GSK3B: variants seen among roughly 807,000 people sequenced by gnomAD.
The protein encoded by GSK3B is glycogen synthase kinase-3 beta.
Under a neutral mutation model 56.4 loss-of-function variants are expected in GSK3B, and 15 were observed. The ratio of observed to expected loss-of-function variants is 0.27; its 90% CI spans 0.18 to 0.41. The LOEUF (loss-of-function observed/expected upper bound fraction) is 0.41, where lower values mean the gene tolerates loss of function less well. GSK3B is among the 10% of genes least tolerant of loss of function. The probability of loss-of-function intolerance (pLI) is 1.00; values close to 1 mark genes in which losing one functional copy is unlikely to be tolerated. For missense variants in GSK3B, 300 were observed against 513.4 expected (o/e 0.58, Z 4.02); for synonymous variants, 181 against 188.9 (o/e 0.96, Z 0.34).
intron 3 of GSK3B, among the ~76,000 whole-genome samples, chr3:119,930,709 G>A (rs1371074443): frequency 6.6e-6 from 1 of 152,160 alleles, no homozygotes; most frequent in South Asian, 2.1e-4. Context: ...TTAAAGAAGT[G>A]TAATTGAACA....
intron 2 of GSK3B, among the ~76,000 whole-genome samples, chr3:119,987,462 T>A (rs1007229560): frequency 3.9e-5 from 6 of 152,208 alleles, no homozygotes; most frequent in Non-Finnish European, 7.3e-5. Context: ...TTTACCTACA[T>A]TAAAAAGTTA....
intron 3 of GSK3B, among the ~76,000 whole-genome samples, chr3:119,936,657 G>A (rs186082414): frequency 6.6e-6 from 1 of 151,676 alleles, no homozygotes; most frequent in East Asian, 1.9e-4. Context: ...CTTGGGTATC[G>A]TATGTTGATT....
chr3:120,026,512 TACACACACACACACACACACACAC>T (rs61580328), intron 1 of GSK3B, among the ~76,000 whole-genome samples: 1 of 130,442 alleles, frequency 7.7e-6, no homozygotes, highest in Non-Finnish European at 1.6e-5. Context: ...TACCGCCAAA[TACACACACACACACACACACACAC>T]ACACACACAC....
chr3:119,865,454 ATATATATATATATTTTTTT>A (rs1224759676), intron 8 of GSK3B, among the ~76,000 whole-genome samples: 9 of 18,972 alleles, frequency 4.7e-4, no homozygotes, highest in Admixed American at 9.9e-4. Flanking sequence ...ATATATATAT[ATATATATATATATTTTTTT>A]TTTTTTTTTT....
At chr3:119,916,680 G>A (rs1423039920) in intron 4 of GSK3B, among the ~76,000 whole-genome samples, 3 of 152,148 alleles carry the variant, frequency 2.0e-5, no homozygotes, top group African/African-American at 4.8e-5. Flanking sequence ...CAGCCTCCAA[G>A]GTGATTGATA....
rs1251866157 is a variant in GSK3B, at chr3:119,955,855, G to C, written c.283-8504C>G. ...TTTAGTAGAGATGGGTTTTCACCAT[G>C]TTGGCCAGGCTGGTCTCGAACTCCT... On this transcript the variant is annotated intron_variant, in intron 2 of 10. Transcript: ENST00000264235. Among the ~76,000 whole-genome samples the C allele has an allele frequency of 1.1e-4, 17 of 152,076 alleles. 1 individual carries two copies. The highest frequency in any genetic ancestry group is 1.1e-3 in the Admixed American group (17 of 15,256).
At chr3:119,913,401 A>G (rs957854958) in intron 5 of GSK3B, among the ~76,000 whole-genome samples, 1 of 152,160 alleles carries the variant, frequency 6.6e-6, no homozygotes, top group African/African-American at 2.4e-5. Context: ...TTCACTGCCT[A>G]TAAATTCTAA....
At chr3:120,049,178 C>T (rs1184798330) in intron 1 of GSK3B, among the ~76,000 whole-genome samples, 1 of 152,118 alleles carries the variant, frequency 6.6e-6, no homozygotes, top group Middle Eastern at 3.2e-3. Context: ...TCCCTAGATA[C>T]AATCAGAGAA....
At chr3:119,998,295 C>A (rs2057643756) in intron 2 of GSK3B, among the ~76,000 whole-genome samples, 1 of 152,160 alleles carries the variant, frequency 6.6e-6, no homozygotes, top group Admixed American at 6.5e-5. Flanking sequence ...GCTCCCTTGC[C>A]ATGTAGGAAG....
chr3:120,061,593 G>C (rs1240754010), intron 1 of GSK3B, among the ~76,000 whole-genome samples: 2 of 152,074 alleles, frequency 1.3e-5, no homozygotes, highest in Non-Finnish European at 2.9e-5. Flanking sequence ...ATTAGTTCCA[G>C]GATTAAAATT....
intron 9 of GSK3B, among the ~76,000 whole-genome samples, chr3:119,853,741 A>G (rs1451254550): frequency 6.6e-6 from 1 of 152,110 alleles, no homozygotes; most frequent in East Asian, 1.9e-4. Context: ...TTGGTGTATA[A>G]GAATGCTTGT....
rs2319400 is a variant in GSK3B at position 119,917,672 on chromosome 3, A to T, written c.478-1498T>A. 7.0e-3 allele frequency among the ~76,000 whole-genome samples: 892 copies of T among 127,310 alleles called. 9 individuals are homozygous for T. Among genetic ancestry groups the T allele is most frequent in the East Asian group, 0.061 (284 of 4,664 alleles). 83.5% of individuals were successfully genotyped at this position (127,310 alleles called of 152,430 possible). On this transcript the variant is annotated intron_variant, in intron 4 of 10. Transcript: ENST00000264235. ...AAAACGAGTTTTCTTTTTTTTTTTT[A>T]AAAAAAAAAAGCTTAATCGTTTAAA...
chr3:120,049,419 C>T (rs2058129162), intron 1 of GSK3B, among the ~76,000 whole-genome samples: 1 of 151,938 alleles, frequency 6.6e-6, no homozygotes, highest in African/African-American at 2.4e-5. Context: ...ATGAAGGAAG[C>T]AAGAAAAAGA....
At chr3:119,953,289 A>G (rs912635748) in intron 2 of GSK3B, among the ~76,000 whole-genome samples, 4 of 94,440 alleles carry the variant, frequency 4.2e-5, no homozygotes, top group Admixed American at 2.9e-4. Flanking sequence ...AAGAACAAAT[A>G]TAACATGAGA....
intron 8 of GSK3B, among the ~76,000 whole-genome samples, chr3:119,871,850 T>C (rs147006176): frequency 6.6e-6 from 1 of 152,246 alleles, no homozygotes; most frequent in African/African-American, 2.4e-5. Flanking sequence ...AGCCAACATA[T>C]TAAATAGCAC....
At chr3:119,865,187 T>C (rs1216519232) in intron 8 of GSK3B, among the ~76,000 whole-genome samples, 2 of 151,970 alleles carry the variant, frequency 1.3e-5, no homozygotes, top group African/African-American at 4.8e-5. Flanking sequence ...ATTTTATCCC[T>C]GAAGGCAAGT....
intron 2 of GSK3B, among the ~76,000 whole-genome samples, chr3:119,978,086 TC>T (rs2057424232): frequency 6.6e-6 from 1 of 152,046 alleles, no homozygotes; most frequent in African/African-American, 2.4e-5. Context: ...AGCCCCTCAT[TC>T]TAAAATTCAC....
chr3:119,905,836 G>A lies in GSK3B; in HGVS notation c.732C>T (p.Gly244=). The A allele has an allele frequency of 1.9e-6, 3 of 1,591,840 alleles. No individual in the cohort carries two copies. Among genetic ancestry groups the A allele is most frequent in the Middle Eastern group, 1.7e-4 (1 of 6,022 alleles). ...CTAGTAACAGCTCAGCCAACACACA[G>A]CCAGCAGACCATACATCTAAAGAGA... ...YTSSIDVWSA[G]CVLAELLLGQ... is the part of the protein sequence containing the mutation. The change falls in exon 7 of 11, where the codon GGC becomes GGT. Residue 244 remains glycine, a synonymous_variant. Coordinates refer to ENST00000264235, the MANE Select transcript of GSK3B (RefSeq NM_001146156.2).
intron 2 of GSK3B, among the ~76,000 whole-genome samples, chr3:119,959,504 G>A (rs2057248798): frequency 8.3e-6 from 1 of 120,682 alleles, no homozygotes; most frequent in Non-Finnish European, 1.7e-5. Flanking sequence ...CTTTCTCTCT[G>A]ACTTTTTTTT....
Sources: gnomAD v4.1 joint callset for allele counts (sites outside exome capture counted in the v4.1 genomes callset) on GRCh38, gnomAD v4.1.1 for gene constraint, MANE v1.5 for transcripts, NCBI Gene and HGNC (gene_info 2026-07-23, HGNC 2026-07-21) for gene names.